CDH4: variants seen among roughly 807,000 people sequenced by gnomAD.
CDH4 encodes the protein cadherin-4.
CDH4 carries 33 observed loss-of-function variants against 86.0 expected under a neutral mutation model. That is an observed-to-expected ratio of 0.38 (90% CI 0.29 to 0.51). CDH4 has a LOEUF of 0.51. Among genes scored for constraint, CDH4 ranks in the 20% least tolerant of loss-of-function variants. The pLI, the probability that CDH4 is intolerant of heterozygous loss-of-function variation, is 0.86. For missense variants in CDH4, 1,114 were observed against 1,307.4 expected (o/e 0.85, Z 2.28); for synonymous variants, 555 against 549.4 (o/e 1.01, Z -0.14).
intron 6 of CDH4, among the ~76,000 whole-genome samples, chr20:61,860,861 A>AG (rs1983291842): frequency 6.6e-6 from 1 of 152,096 alleles, no homozygotes; most frequent in Non-Finnish European, 1.5e-5. Flanking sequence ...GAGGACTCTG[A>AG]GACCCATGGA....
intron 2 of CDH4, among the ~76,000 whole-genome samples, chr20:61,539,741 C>A (rs187991780): frequency 2.6e-5 from 4 of 152,312 alleles, no homozygotes; most frequent in Admixed American, 2.0e-4. Flanking sequence ...GGTGTCCCCC[C>A]CAAGCCCTGC....
chr20:61,874,910 T>C (rs1331083669), intron 7 of CDH4, among the ~76,000 whole-genome samples: 2 of 152,222 alleles, frequency 1.3e-5, no homozygotes, highest in African/African-American at 2.4e-5. Flanking sequence ...CGCCACTTTC[T>C]GGCAGCTCCT....
At chr20:61,602,974 G>A (rs1393362134) in intron 2 of CDH4, among the ~76,000 whole-genome samples, 1 of 152,238 alleles carries the variant, frequency 6.6e-6, no homozygotes, top group Non-Finnish European at 1.5e-5. Flanking sequence ...ACCAGCTCCT[G>A]CGTGATCTGC....
intron 2 of CDH4, among the ~76,000 whole-genome samples, chr20:61,555,582 C>T (rs953418503): frequency 6.6e-6 from 1 of 152,208 alleles, no homozygotes; most frequent in Admixed American, 6.5e-5. Flanking sequence ...GTTATGTTCA[C>T]CTCTGCAGCC....
At chr20:61,873,359 A>T (rs12480540) in intron 6 of CDH4, among the ~76,000 whole-genome samples, 29,237 of 152,094 alleles carry the variant, frequency 0.19, 3,077 homozygotes, top group South Asian at 0.28. Context: ...GAGTGGAAGC[A>T]CCTTGGACGC....
chr20:61,330,202 A>G (rs1211581921), intron 2 of CDH4, among the ~76,000 whole-genome samples: 1 of 152,160 alleles, frequency 6.6e-6, no homozygotes, highest in African/African-American at 2.4e-5. Flanking sequence ...GGTATATACC[A>G]TTTAATGGGA....
chr20:61,749,760 A>C (rs73310891), intron 3 of CDH4, among the ~76,000 whole-genome samples: 1 of 152,214 alleles, frequency 6.6e-6, no homozygotes, highest in African/African-American at 2.4e-5. Context: ...ATATTACAAG[A>C]TAAAGAAGGC....
At chr20:61,375,151 G>T (rs2084859996) in intron 2 of CDH4, among the ~76,000 whole-genome samples, 1 of 152,178 alleles carries the variant, frequency 6.6e-6, no homozygotes, top group South Asian at 2.1e-4. Context: ...GATCTCCTGA[G>T]GGCTGTGTCA....
chr20:61,361,820 G>A (rs564600777), intron 2 of CDH4, among the ~76,000 whole-genome samples: 19 of 152,338 alleles, frequency 1.2e-4, no homozygotes, highest in Non-Finnish European at 2.1e-4. Flanking sequence ...GTGCCTGCCC[G>A]CAAGAAGAGG....
intron 2 of CDH4, among the ~76,000 whole-genome samples, chr20:61,712,540 C>T (rs2087904673): frequency 6.6e-6 from 1 of 152,114 alleles, no homozygotes; most frequent in African/African-American, 2.4e-5. Context: ...CCTCTTCTTC[C>T]CTCCCCAACC....
At chr20:61,488,785 C>T (rs2085610214) in intron 2 of CDH4, among the ~76,000 whole-genome samples, 1 of 152,138 alleles carries the variant, frequency 6.6e-6, no homozygotes, top group African/African-American at 2.4e-5. Context: ...TGAGTAGTCT[C>T]TAAAAGATTG....
At chr20:61,403,984 T>C (rs987133387) in intron 2 of CDH4, among the ~76,000 whole-genome samples, 8 of 152,222 alleles carry the variant, frequency 5.3e-5, no homozygotes, top group African/African-American at 1.9e-4. Flanking sequence ...TTATATTTTA[T>C]TGAAGTAATT....
intron 2 of CDH4, among the ~76,000 whole-genome samples, chr20:61,352,229 A>G (rs1163207628): frequency 6.6e-6 from 1 of 152,148 alleles, no homozygotes; most frequent in Non-Finnish European, 1.5e-5. Flanking sequence ...TAAATAAGTG[A>G]CAATGTGCAA....
At chr20:61,798,970 T>C (rs1347677150) in intron 4 of CDH4, among the ~76,000 whole-genome samples, 2 of 152,278 alleles carry the variant, frequency 1.3e-5, no homozygotes, top group African/African-American at 4.8e-5. Flanking sequence ...TACTGTGTTG[T>C]GATCAACAGT....
chr20:61,761,486 G>GGT (rs1057228000), intron 3 of CDH4, among the ~76,000 whole-genome samples: 7 of 152,130 alleles, frequency 4.6e-5, no homozygotes, highest in Non-Finnish European at 7.3e-5. Flanking sequence ...TCTAAGACGT[G>GGT]GTGTGTGTGT....
At chr20:61,541,238 A>G (rs1435878348) in intron 2 of CDH4, among the ~76,000 whole-genome samples, 1 of 152,202 alleles carries the variant, frequency 6.6e-6, no homozygotes, top group Admixed American at 6.5e-5. Context: ...ACTGGCATCA[A>G]TCCACTGTGC....
At chr20:61,455,045 C>G (rs969392925) in intron 2 of CDH4, among the ~76,000 whole-genome samples, 1 of 152,120 alleles carries the variant, frequency 6.6e-6, no homozygotes, top group African/African-American at 2.4e-5. Flanking sequence ...AGTTATGCAG[C>G]CATCACCACC....
intron 8 of CDH4, among the ~76,000 whole-genome samples, chr20:61,898,365 C>T (rs578254893): frequency 1.3e-5 from 2 of 152,362 alleles, no homozygotes; most frequent in East Asian, 1.9e-4. Context: ...GCACTGCCCA[C>T]GTGAGGCTGA....
chr20:61,598,073 A>G (rs1167502393), intron 2 of CDH4, among the ~76,000 whole-genome samples: 4 of 152,154 alleles, frequency 2.6e-5, no homozygotes, highest in Non-Finnish European at 5.9e-5. Context: ...GTCTCAGTGA[A>G]CACATGCCAA....
Sources: gnomAD v4.1 joint callset for allele counts (sites outside exome capture counted in the v4.1 genomes callset) on GRCh38, gnomAD v4.1.1 for gene constraint, MANE v1.5 for transcripts, NCBI Gene and HGNC (gene_info 2026-07-23, HGNC 2026-07-21) for gene names.